The following ACOXL variants were observed in gnomAD, a reference collection of about 807,000 sequenced individuals.
ACOXL encodes the protein acyl-coenzyme A oxidase-like protein.
A neutral mutation model predicts 71.9 loss-of-function variants in ACOXL; 70 were observed. The observed-to-expected ratio is 0.97, with a 90% CI of 0.80 to 1.19. ACOXL has a LOEUF of 1.19. ACOXL is among the 50% of genes most tolerant of loss of function. The probability of loss-of-function intolerance (pLI) is 0.00; values close to 1 mark genes in which losing one functional copy is unlikely to be tolerated. For synonymous variants in ACOXL, 253 were observed against 281.6 expected (o/e 0.90, Z 1.02); for missense variants, 703 against 736.3 (o/e 0.95, Z 0.52).
chr2:110,918,123 A>C (rs1407682240), intron 11 of ACOXL, among the ~76,000 whole-genome samples: 1 of 152,228 alleles, frequency 6.6e-6, no homozygotes, highest in African/African-American at 2.4e-5. Context: ...CGAAAAGAAC[A>C]AAGCTGGAGG....
intron 14 of ACOXL, among the ~76,000 whole-genome samples, chr2:111,014,381 A>G (rs1285148506): frequency 1.3e-5 from 2 of 152,242 alleles, no homozygotes; most frequent in East Asian, 3.8e-4. Context: ...ATCATCTAAA[A>G]ACATGAGTTT....
intron 16 of ACOXL, among the ~76,000 whole-genome samples, chr2:111,073,789 A>G (rs2067460085): frequency 6.6e-6 from 1 of 152,204 alleles, no homozygotes; most frequent in African/African-American, 2.4e-5. Context: ...GTCTCTATCT[A>G]CAGAAAATTC....
chr2:111,080,285 T>C (rs1214280411), intron 16 of ACOXL, among the ~76,000 whole-genome samples: 2 of 152,216 alleles, frequency 1.3e-5, no homozygotes, highest in Non-Finnish European at 2.9e-5. Context: ...TGCTCTTGCT[T>C]CTGTAGTTCT....
intron 10 of ACOXL, among the ~76,000 whole-genome samples, chr2:110,867,886 C>T (rs1360762010): frequency 2.6e-5 from 4 of 152,114 alleles, no homozygotes; most frequent in Admixed American, 2.6e-4. Flanking sequence ...CCTCAGCCTC[C>T]CGAGTAGCTG....
intron 11 of ACOXL, among the ~76,000 whole-genome samples, chr2:110,923,598 A>G (rs1484165144): frequency 6.6e-6 from 1 of 152,132 alleles, no homozygotes; most frequent in Non-Finnish European, 1.5e-5. Context: ...CATCCTAATG[A>G]GCAATTACTT....
intron 16 of ACOXL, among the ~76,000 whole-genome samples, chr2:111,079,582 C>T (rs2067788103): frequency 6.6e-6 from 1 of 152,182 alleles, no homozygotes; most frequent in South Asian, 2.1e-4. Context: ...GCTGCACATG[C>T]TTCCAGGGAC....
At chr2:110,808,445 G>A (rs1430854360) in intron 9 of ACOXL, among the ~76,000 whole-genome samples, 1 of 152,146 alleles carries the variant, frequency 6.6e-6, no homozygotes, top group East Asian at 1.9e-4. Context: ...CCCCTGCACA[G>A]AACACATGGA....
At chr2:110,862,931 C>A (rs1694132081) in intron 10 of ACOXL, among the ~76,000 whole-genome samples, 1 of 152,224 alleles carries the variant, frequency 6.6e-6, no homozygotes, top group African/African-American at 2.4e-5. Context: ...CAGCAGCTAC[C>A]ACCTTCAATG....
At position 111,105,713 on chromosome 2, in the gene ACOXL, A is replaced by G. The variant is rs570013630; in HGVS notation, c.1543-11903A>G. 5.9e-5 allele frequency among the ~76,000 whole-genome samples: 9 copies of G among 152,274 alleles called. No homozygotes were observed. The South Asian group carries it at 1.9e-3, about 32-fold the overall frequency. On this transcript the variant is annotated intron_variant, in intron 17 of 17. Coordinates refer to ENST00000439055, the MANE Select transcript of ACOXL (RefSeq NM_001142807.4). ...TTTATATGTTATCTTTTATCCTACGATCTTGCTCAACTTGTTGAATCTAGA... is the reference window on the plus strand; with the variant it reads ...TTTATATGTTATCTTTTATCCTACGGTCTTGCTCAACTTGTTGAATCTAGA...
chr2:110,746,482 T>C (rs1678226911), intron 1 of ACOXL, among the ~76,000 whole-genome samples: 1 of 152,090 alleles, frequency 6.6e-6, no homozygotes, highest in Admixed American at 6.5e-5. Context: ...TCCCATTTAC[T>C]TGTAAATGGA....
intron 14 of ACOXL, among the ~76,000 whole-genome samples, chr2:111,007,663 A>G (rs1307041482): frequency 6.6e-6 from 1 of 152,104 alleles, no homozygotes; most frequent in African/African-American, 2.4e-5. Context: ...CATTTCTCCA[A>G]GGAGAGCTGG....
chr2:110,974,178 C>G (rs951396178), intron 12 of ACOXL, among the ~76,000 whole-genome samples: 2 of 152,194 alleles, frequency 1.3e-5, no homozygotes, highest in Admixed American at 6.5e-5. Flanking sequence ...TGCTTTGATT[C>G]TCCTTATTGA....
At position 111,064,435 on chromosome 2, in the gene ACOXL, C is replaced by CAA. The variant is rs34617136; in HGVS notation, c.1440+15156_1440+15157dup. Among the ~76,000 whole-genome samples the CAA allele has an allele frequency of 6.2e-3, 528 of 84,864 alleles. 40 individuals are homozygous for CAA. Among genetic ancestry groups the CAA allele is most frequent in the Middle Eastern group, 0.024 (4 of 166 alleles). The allele number at this position is 84,864 out of a possible 152,430, so 55.7% of individuals were successfully genotyped here. ...TGGGCGAAAGAGCGACACTCCATCT[C>CAA]AAAAAAAAAACAAAAAAAAAACAAC... On this transcript the variant is annotated intron_variant, in intron 16 of 17. Coordinates refer to ENST00000439055, the MANE Select transcript of ACOXL (RefSeq NM_001142807.4).
intron 1 of ACOXL, among the ~76,000 whole-genome samples, chr2:110,735,784 C>T (rs1326592671): frequency 6.6e-6 from 1 of 152,150 alleles, no homozygotes; most frequent in Non-Finnish European, 1.5e-5. Context: ...ACTGGCGGCT[C>T]CTCATTGGGA....
intron 14 of ACOXL, among the ~76,000 whole-genome samples, chr2:111,000,136 A>T (rs1182302611): frequency 6.6e-6 from 1 of 152,218 alleles, no homozygotes; most frequent in East Asian, 1.9e-4. Flanking sequence ...AATTATTACC[A>T]GAAACCTTTA....
chr2:110,969,063 A>C (rs10864932), intron 12 of ACOXL, among the ~76,000 whole-genome samples: 86,826 of 152,044 alleles, frequency 0.57, 25,269 homozygotes, highest in East Asian at 0.82. Flanking sequence ...CAACATGCTT[A>C]AAATAATCCA....
intron 10 of ACOXL, among the ~76,000 whole-genome samples, chr2:110,860,643 G>T (rs573748902): frequency 6.6e-6 from 1 of 152,194 alleles, no homozygotes; most frequent in Non-Finnish European, 1.5e-5. Flanking sequence ...ATGAATCTTG[G>T]TGCAGAAGAT....
intron 10 of ACOXL, among the ~76,000 whole-genome samples, chr2:110,852,400 G>C (rs1351753448): frequency 6.6e-6 from 1 of 152,206 alleles, no homozygotes; most frequent in Non-Finnish European, 1.5e-5. Context: ...TGCAAGCCCA[G>C]CTTCAGGCTC....
intron 12 of ACOXL, among the ~76,000 whole-genome samples, chr2:110,980,090 C>G (rs2062636091): frequency 6.6e-6 from 1 of 152,190 alleles, no homozygotes. Flanking sequence ...CCAGATAGCC[C>G]AGGCTCTGTT....
Sources: gnomAD v4.1 joint callset for allele counts (sites outside exome capture counted in the v4.1 genomes callset) on GRCh38, gnomAD v4.1.1 for gene constraint, MANE v1.5 for transcripts, NCBI Gene and HGNC (gene_info 2026-07-23, HGNC 2026-07-21) for gene names.